The following WWOX variants were observed in gnomAD, a reference collection of about 807,000 sequenced individuals.
The protein encoded by WWOX is WW domain-containing oxidoreductase.
WWOX carries 69 observed loss-of-function variants against 46.2 expected under a neutral mutation model. That is an observed-to-expected ratio of 1.49 (90% confidence interval 1.23 to 1.82). The LOEUF (loss-of-function observed/expected upper bound fraction) is 1.82. Among genes scored for constraint, WWOX ranks in the 40% most tolerant of loss-of-function variants. The pLI, the probability that WWOX is intolerant of heterozygous loss-of-function variation, is 0.00. For missense variants in WWOX, 919 were observed against 542.6 expected, an observed-to-expected ratio of 1.69 and a Z score of -6.89; for synonymous variants, 359 against 202.6, an observed-to-expected ratio of 1.77 and a Z score of -6.56.
intron 8 of WWOX, among the ~76,000 whole-genome samples, chr16:78,694,440 C>T (rs1567496513): frequency 6.6e-6 from 1 of 152,194 alleles, no homozygotes; most frequent in East Asian, 1.9e-4. Flanking sequence ...GCAGAAGCAG[C>T]CTCCACTGAG....
intron 5 of WWOX, among the ~76,000 whole-genome samples, chr16:78,250,725 T>C (rs2151828202): frequency 6.6e-6 from 1 of 152,170 alleles, no homozygotes; most frequent in South Asian, 2.1e-4. Flanking sequence ...CATACAGAAA[T>C]GGTCCAGTGG....
At chr16:78,300,179 A>G (rs1379300243) in intron 5 of WWOX, among the ~76,000 whole-genome samples, 2 of 152,228 alleles carry the variant, frequency 1.3e-5, no homozygotes, top group Non-Finnish European at 2.9e-5. Flanking sequence ...TCTAGAAGAT[A>G]TCTACGTTTA....
At chr16:79,167,699 T>G (rs1377195493) in intron 8 of WWOX, among the ~76,000 whole-genome samples, 2 of 152,234 alleles carry the variant, frequency 1.3e-5, no homozygotes, top group Non-Finnish European at 1.5e-5. Flanking sequence ...TCAAAAACCC[T>G]TGTATCCTTG....
chr16:78,940,786 G>C (rs1302417421), intron 8 of WWOX, among the ~76,000 whole-genome samples: 3 of 134,794 alleles, frequency 2.2e-5, no homozygotes, highest in African/African-American at 8.4e-5. Context: ...TTATCTTATT[G>C]TCCTCTTATC....
intron 8 of WWOX, among the ~76,000 whole-genome samples, chr16:78,635,783 C>A (rs1293397707): frequency 6.6e-6 from 1 of 152,108 alleles, no homozygotes; most frequent in Non-Finnish European, 1.5e-5. Context: ...AGCTGGATGT[C>A]CATGTTGGAA....
Position 78,870,663 on chromosome 16 carries a change from G to A in WWOX, c.1057-340945G>A, listed in dbSNP as rs190258763. ...GTTGCCCAGGCTGGAGTGCGGTGGT[G>A]CGATCTTGCCTCACGGCAACCTCTG... On this transcript the variant is annotated intron_variant, in intron 8 of 8. Coordinates refer to ENST00000566780, the MANE Select transcript of WWOX (RefSeq NM_016373.4). 4.3e-4 allele frequency among the ~76,000 whole-genome samples: 65 copies of A among 152,166 alleles called. No homozygotes were observed. The Middle Eastern group carries it at 0.01, about 24-fold the overall frequency.
At chr16:78,726,071 T>TTCCCTCCCGCCCTCTTCCTCCCTCCC (rs2048824719) in intron 8 of WWOX, among the ~76,000 whole-genome samples, 1 of 96,560 alleles carries the variant, frequency 1.0e-5, no homozygotes, top group Admixed American at 1.1e-4. Flanking sequence ...CCTGCTTCCC[T>TTCCCTCCCGCCCTCTTCCTCCCTCCC]TCCCTCCCTC....
intron 5 of WWOX, among the ~76,000 whole-genome samples, chr16:78,349,625 T>G (rs34424307): frequency 0.51 from 59,866 of 118,142 alleles, 23,432 homozygotes; most frequent in African/African-American, 0.64. Context: ...TATCCATGGA[T>G]TGGTATGAGC....
chr16:78,355,601 G>A, intron 5 of WWOX: 1 of 543,844 alleles, frequency 1.8e-6, no homozygotes, highest in Non-Finnish European at 3.6e-6. Flanking sequence ...GCTCAGCCCA[G>A]AGGAGCGAAT....
chr16:78,810,217 T>C (rs2051150331), intron 8 of WWOX, among the ~76,000 whole-genome samples: 1 of 152,122 alleles, frequency 6.6e-6, no homozygotes, highest in Non-Finnish European at 1.5e-5. Context: ...ACACTGAAAA[T>C]TTCAAAACAT....
intron 6 of WWOX, among the ~76,000 whole-genome samples, chr16:78,411,738 G>T (rs1330680712): frequency 6.6e-6 from 1 of 152,178 alleles, no homozygotes; most frequent in East Asian, 1.9e-4. Context: ...ACAAGACCAG[G>T]TGTGGGCTAT....
chr16:78,846,661 A>G (rs1036494099), intron 8 of WWOX, among the ~76,000 whole-genome samples: 6 of 152,170 alleles, frequency 3.9e-5, no homozygotes, highest in African/African-American at 1.4e-4. Context: ...TTAACGTGGT[A>G]TCTGCCAGAT....
At chr16:78,523,001 G>A (rs1597208551) in intron 8 of WWOX, among the ~76,000 whole-genome samples, 1 of 152,360 alleles carries the variant, frequency 6.6e-6, no homozygotes, top group East Asian at 1.9e-4. Context: ...GAAGCTGGGA[G>A]GCGGAGGTTG....
Position 78,776,171 on chromosome 16 carries a change from C to T in WWOX, c.1056+343419C>T, listed in dbSNP as rs139859121. Among the ~76,000 whole-genome samples the T allele has an allele frequency of 3.7e-3, 563 of 152,230 alleles. 6 individuals carry two copies. The highest frequency in any genetic ancestry group is 0.019 in the South Asian group (94 of 4,826). On this transcript the variant is annotated intron_variant, in intron 8 of 8. Coordinates refer to ENST00000566780, the MANE Select transcript of WWOX (RefSeq NM_016373.4). ...TGGGCTAAAAAAATGATTCTGCATT[C>T]ATCTCAGAAGGATGTTTTCCAGTCT...
At chr16:78,955,305 C>G (rs781768947) in intron 8 of WWOX, among the ~76,000 whole-genome samples, 1 of 152,150 alleles carries the variant, frequency 6.6e-6, no homozygotes. Flanking sequence ...TTCTCCACAG[C>G]TGCACATACA....
chr16:78,850,723 G>A (rs1395066362), intron 8 of WWOX, among the ~76,000 whole-genome samples: 2 of 152,170 alleles, frequency 1.3e-5, no homozygotes, highest in East Asian at 3.8e-4. Context: ...AACCAGGGGT[G>A]TGTGGACTCA....
intron 8 of WWOX, among the ~76,000 whole-genome samples, chr16:78,518,708 A>G (rs534034966): frequency 6.2e-4 from 95 of 152,306 alleles, no homozygotes; most frequent in African/African-American, 2.2e-3. Context: ...GTCCTGGGGA[A>G]CCAGTGGGCA....
At chr16:78,501,175 T>TTCTC (rs1597173744) in intron 8 of WWOX, among the ~76,000 whole-genome samples, 1 of 39,864 alleles carries the variant, frequency 2.5e-5, no homozygotes, top group South Asian at 1.2e-3. Flanking sequence ...ATGTTTTTCT[T>TTCTC]TCTCTCTCTT....
chr16:78,522,238 TAGA>T (rs925155628), intron 8 of WWOX, among the ~76,000 whole-genome samples: 1 of 151,446 alleles, frequency 6.6e-6, no homozygotes, highest in African/African-American at 2.4e-5. Context: ...TCATGAAACC[TAGA>T]AGGAGTTGAA....
Sources: allele counts gnomAD v4.1 joint callset (sites outside exome capture counted in the v4.1 genomes callset), GRCh38; gene constraint gnomAD v4.1.1; transcripts MANE v1.5; gene names NCBI Gene and HGNC (gene_info 2026-07-23, HGNC 2026-07-21).